MED12L: variants seen among roughly 807,000 people sequenced by gnomAD.
The protein encoded by MED12L is mediator complex subunit 12L.
A neutral mutation model predicts 281.3 loss-of-function variants in MED12L; 60 were observed. The observed-to-expected ratio is 0.21, with a 90% CI of 0.17 to 0.26. The LOEUF is 0.26. MED12L is among the 10% of genes least tolerant of loss of function. The probability of loss-of-function intolerance (pLI) is 1.00; values close to 1 mark genes in which losing one functional copy is unlikely to be tolerated. For synonymous variants in MED12L, 974 were observed against 987.2 expected (o/e 0.99, Z 0.25); for missense variants, 2,146 against 2,680.9 (o/e 0.80, Z 4.41).
At chr3:151,289,228 G>A (rs541892230) in intron 16 of MED12L, among the ~76,000 whole-genome samples, 4 of 152,258 alleles carry the variant, frequency 2.6e-5, no homozygotes, top group South Asian at 2.1e-4. Flanking sequence ...TACAGGGAAC[G>A]GATGAGCTAT....
At chr3:151,157,827 A>T (rs747258776) in intron 6 of MED12L, among the ~76,000 whole-genome samples, 1 of 152,234 alleles carries the variant, frequency 6.6e-6, no homozygotes, top group Non-Finnish European at 1.5e-5. Flanking sequence ...GTAAGATTTC[A>T]TATGAACTAC....
At chr3:151,204,989 G>A (rs1173768411) in intron 16 of MED12L, among the ~76,000 whole-genome samples, 1 of 152,184 alleles carries the variant, frequency 6.6e-6, no homozygotes, top group African/African-American at 2.4e-5. Flanking sequence ...TTAATTTTTA[G>A]AATAGTGAGA....
At chr3:151,169,816 C>T (rs570213799) in intron 11 of MED12L, among the ~76,000 whole-genome samples, 67 of 152,234 alleles carry the variant, frequency 4.4e-4, no homozygotes, top group African/African-American at 1.6e-3. Flanking sequence ...TTAGATAGCA[C>T]GATAGATAAA....
chr3:151,354,868 G>A (rs1753719231), intron 17 of MED12L, among the ~76,000 whole-genome samples: 1 of 152,152 alleles, frequency 6.6e-6, no homozygotes, highest in Admixed American at 6.5e-5. Context: ...GTAGGCAATA[G>A]CAATCTAAGT....
chr3:151,277,496 A>G (rs1275254257), intron 16 of MED12L, among the ~76,000 whole-genome samples: 1 of 152,038 alleles, frequency 6.6e-6, no homozygotes, highest in East Asian at 1.9e-4. Flanking sequence ...TTTTTTTACT[A>G]GTGTGATCTT....
chr3:151,180,125 AT>A (rs1722542746), intron 11 of MED12L, among the ~76,000 whole-genome samples: 4 of 152,240 alleles, frequency 2.6e-5, no homozygotes, highest in Non-Finnish European at 5.9e-5. Context: ...GGACAAGAAA[AT>A]TTTTGTGCTG....
chr3:151,285,270 G>A (rs1743320598), intron 16 of MED12L, among the ~76,000 whole-genome samples: 1 of 152,032 alleles, frequency 6.6e-6, no homozygotes, highest in Admixed American at 6.5e-5. Flanking sequence ...AGATCACAAG[G>A]TCAGGAGATC....
intron 20 of MED12L, among the ~76,000 whole-genome samples, chr3:151,357,859 A>G (rs1189159031): frequency 6.6e-6 from 1 of 152,196 alleles, no homozygotes; most frequent in Non-Finnish European, 1.5e-5. Flanking sequence ...CTTCATTTTC[A>G]GTTGTAGGCT....
chr3:151,325,197 T>G (rs9839830), intron 16 of MED12L, among the ~76,000 whole-genome samples: 1 of 152,202 alleles, frequency 6.6e-6, no homozygotes, highest in Non-Finnish European at 1.5e-5. Flanking sequence ...AATTGAGAAT[T>G]CTCACTCCTT....
chr3:151,144,250 G>T (rs1364350828), intron 5 of MED12L, among the ~76,000 whole-genome samples: 1 of 152,036 alleles, frequency 6.6e-6, no homozygotes, highest in African/African-American at 2.4e-5. Flanking sequence ...GGTTGATAGG[G>T]AAAAAGGACA....
intron 5 of MED12L, among the ~76,000 whole-genome samples, chr3:151,130,179 T>C (rs12633553): frequency 0.016 from 2,414 of 152,278 alleles, 46 homozygotes; most frequent in African/African-American, 0.047. Flanking sequence ...TGAACCATAA[T>C]GTATATCAAA....
chr3:151,246,328 A>G (rs1735461043), intron 16 of MED12L, among the ~76,000 whole-genome samples: 1 of 152,124 alleles, frequency 6.6e-6, no homozygotes, highest in Non-Finnish European at 1.5e-5. Context: ...TCCTAAGCCA[A>G]AAGAACAAAG....
chr3:151,397,029 C>T (rs1440734878), intron 39 of MED12L, among the ~76,000 whole-genome samples: 1 of 152,212 alleles, frequency 6.6e-6, no homozygotes, highest in Non-Finnish European at 1.5e-5. Context: ...GTACCACCGA[C>T]AGTTGTACTG....
intron 1 of MED12L, 23 bp downstream of exon 1, chr3:151,085,959 C>G (rs1231752540): frequency 6.6e-6 from 1 of 151,974 alleles, no homozygotes; most frequent in Non-Finnish European, 1.5e-5. Flanking sequence ...GGGTTGGGGG[C>G]GGAAGGGAAG....
At chr3:151,350,356 A>T in intron 17 of MED12L, 150 bp downstream of exon 17, 1 of 588,286 alleles carries the variant, frequency 1.7e-6, no homozygotes, top group Admixed American at 3.8e-5. Context: ...GCACATTTAA[A>T]TTTTAAAGCC....
chr3:151,407,991 TATATGTCCTTAAATAATAAGCACCAA>T (rs1176202908), intron 39 of MED12L, among the ~76,000 whole-genome samples: 1 of 152,234 alleles, frequency 6.6e-6, no homozygotes, highest in Non-Finnish European at 1.5e-5. Flanking sequence ...TTTAAGAGGC[TATATGTCCTTAAATAATAAGCACCAA>T]ATAAGTATTT....
chr3:151,372,829 T>C, intron 27 of MED12L, 63 bp downstream of exon 27: 1 of 1,343,704 alleles, frequency 7.4e-7, no homozygotes. Flanking sequence ...GAGAGCTACT[T>C]ACACTTATAG....
intron 21 of MED12L, among the ~76,000 whole-genome samples, chr3:151,362,470 C>T (rs1045048021): frequency 6.6e-6 from 1 of 152,058 alleles, no homozygotes; most frequent in Non-Finnish European, 1.5e-5. Flanking sequence ...TACTTGTCCT[C>T]AGTTACTTGT....
intron 11 of MED12L, among the ~76,000 whole-genome samples, chr3:151,173,185 CT>C (rs1415609219): frequency 6.6e-6 from 1 of 150,434 alleles, no homozygotes; most frequent in Non-Finnish European, 1.5e-5. Flanking sequence ...GCACGTTATT[CT>C]TTTTCTTACT....
Sources: gnomAD v4.1 joint callset for allele counts (sites outside exome capture counted in the v4.1 genomes callset) on GRCh38, gnomAD v4.1.1 for gene constraint, MANE v1.5 for transcripts, NCBI Gene and HGNC (gene_info 2026-07-23, HGNC 2026-07-21) for gene names.